The following SLCO1B1 variants were observed in gnomAD, a reference collection of about 807,000 sequenced individuals.
SLCO1B1 encodes the protein solute carrier organic anion transporter family member 1B1, also known as OATP-2.
Under a neutral mutation model 70.1 loss-of-function variants are expected in SLCO1B1, and 81 were observed. That is an observed-to-expected ratio of 1.16 (90% CI 0.97 to 1.39). SLCO1B1 has a LOEUF of 1.39. Among genes scored for constraint, SLCO1B1 ranks in the 40% most tolerant of loss-of-function variants. The pLI is 0.00. For missense variants in SLCO1B1, 895 were observed against 799.6 expected (o/e 1.12, Z -1.44); for synonymous variants, 283 against 271.5 (o/e 1.04, Z -0.42).
chr12:21,225,958 A>G (rs1941477616), intron 14 of SLCO1B1, among the ~76,000 whole-genome samples: 1 of 152,272 alleles, frequency 6.6e-6, no homozygotes, highest in Admixed American at 6.5e-5. Flanking sequence ...ATATGAAAAA[A>G]TGGAAGCAAA....
At chr12:21,190,867 A>G (rs1454970424) in intron 7 of SLCO1B1, among the ~76,000 whole-genome samples, 1 of 152,058 alleles carries the variant, frequency 6.6e-6, no homozygotes, top group Non-Finnish European at 1.5e-5. Context: ...TTTTTTTGCT[A>G]TTGAGTTGTA....
intron 14 of SLCO1B1, among the ~76,000 whole-genome samples, chr12:21,235,896 G>GTATC (rs1941591717): frequency 6.6e-6 from 1 of 152,010 alleles, no homozygotes; most frequent in Non-Finnish European, 1.5e-5. Flanking sequence ...AGCTTGTAAT[G>GTATC]TATCTGCTGG....
chr12:21,210,579 T>G (rs1000107729), intron 11 of SLCO1B1, among the ~76,000 whole-genome samples: 4 of 147,744 alleles, frequency 2.7e-5, no homozygotes, highest in African/African-American at 1.0e-4. Flanking sequence ...CTTTAAAGTA[T>G]TTTCCAATTC....
At chr12:21,158,565 C>G (rs569211735) in intron 2 of SLCO1B1, among the ~76,000 whole-genome samples, 2 of 151,918 alleles carry the variant, frequency 1.3e-5, no homozygotes, top group Admixed American at 1.3e-4. Context: ...GTGGTGGTGC[C>G]TGCCTTTAGT....
intron 1 of SLCO1B1, among the ~76,000 whole-genome samples, chr12:21,137,355 A>T (rs1056375099): frequency 1.3e-5 from 2 of 152,140 alleles, no homozygotes; most frequent in African/African-American, 4.8e-5. Context: ...CTCTCTTCAA[A>T]GCTGTCAGAG....
At chr12:21,234,515 T>A (rs1941576101) in intron 14 of SLCO1B1, among the ~76,000 whole-genome samples, 1 of 152,134 alleles carries the variant, frequency 6.6e-6, no homozygotes. Flanking sequence ...TGTCTTGGTT[T>A]TAAACTCGAA....
At chr12:21,193,689 C>A (rs1941057034) in intron 7 of SLCO1B1, among the ~76,000 whole-genome samples, 1 of 152,158 alleles carries the variant, frequency 6.6e-6, no homozygotes, top group African/African-American at 2.4e-5. Flanking sequence ...TAGGTCATTT[C>A]TTTGCTCTCA....
chr12:21,182,391 A>G (rs1940912691), intron 7 of SLCO1B1, among the ~76,000 whole-genome samples: 2 of 152,296 alleles, frequency 1.3e-5, no homozygotes, highest in Admixed American at 6.5e-5. Context: ...GGGTAGCTGC[A>G]GCAGAACGCA....
chr12:21,238,674 A>G (rs12366582), intron 14 of SLCO1B1, among the ~76,000 whole-genome samples: 28,085 of 151,914 alleles, frequency 0.18, 2,968 homozygotes, highest in East Asian at 0.45. Context: ...TTTCAAACAT[A>G]CTTCTCAGTT....
intron 7 of SLCO1B1, among the ~76,000 whole-genome samples, chr12:21,185,257 G>A (rs888807092): frequency 1.3e-5 from 2 of 151,892 alleles, no homozygotes; most frequent in African/African-American, 2.4e-5. Context: ...TCAACCAACT[G>A]GATCCAAAAA....
intron 2 of SLCO1B1, among the ~76,000 whole-genome samples, chr12:21,148,930 G>T (rs1366207911): frequency 6.6e-6 from 1 of 151,920 alleles, no homozygotes; most frequent in Admixed American, 6.6e-5. Context: ...CGTTGAAGAG[G>T]TCCCTCACAC....
chr12:21,162,283 AT>A (rs886155024), intron 2 of SLCO1B1, among the ~76,000 whole-genome samples: 1 of 152,002 alleles, frequency 6.6e-6, no homozygotes, highest in Non-Finnish European at 1.5e-5. Context: ...AATTGACTAT[AT>A]TTTTTTATTT....
chr12:21,168,204 G>A (rs902791007), intron 2 of SLCO1B1, among the ~76,000 whole-genome samples: 36 of 130,470 alleles, frequency 2.8e-4, no homozygotes, highest in Admixed American at 1.8e-3. Context: ...ATGTCCTTGA[G>A]GTTCATCCAT....
At chr12:21,215,997 C>T (rs974607431) in intron 11 of SLCO1B1, among the ~76,000 whole-genome samples, 31 of 152,094 alleles carry the variant, frequency 2.0e-4, no homozygotes, top group African/African-American at 7.5e-4. Context: ...TACATGCTCC[C>T]TCTTTGCACA....
intron 14 of SLCO1B1, among the ~76,000 whole-genome samples, chr12:21,225,361 G>A (rs1941471991): frequency 6.6e-6 from 1 of 152,054 alleles, no homozygotes; most frequent in Non-Finnish European, 1.5e-5. Context: ...TATTCCGTAA[G>A]TGACATGAAG....
At position 21,239,386 on chromosome 12, in the gene SLCO1B1, T is replaced by C. The variant is rs886049146; in HGVS notation, c.*197T>C. On this transcript the variant is annotated 3_prime_UTR_variant, in exon 15 of 15. Transcript: ENST00000256958. ...AAAATGAGAGTACTCATTGTTACAT[T>C]ATAGCTACATATTTGTGGTTAAGGT... 13 of 540,450 alleles carry C rather than the reference T, an allele frequency of 2.4e-5. No individual in the cohort carries two copies. Among genetic ancestry groups the C allele is most frequent in the Non-Finnish European group, 4.0e-5 (12 of 299,300 alleles). The allele number at this position is 540,450 out of a possible 1,614,324, so 33.5% of individuals were successfully genotyped here.
At chr12:21,221,976 C>T (rs571385284) in intron 12 of SLCO1B1, among the ~76,000 whole-genome samples, 1 of 152,016 alleles carries the variant, frequency 6.6e-6, no homozygotes, top group East Asian at 1.9e-4. Flanking sequence ...ATAACACTGA[C>T]TAGACCACAA....
chr12:21,213,685 A>G (rs1941318387), intron 11 of SLCO1B1, among the ~76,000 whole-genome samples: 2 of 139,368 alleles, frequency 1.4e-5, no homozygotes, highest in African/African-American at 5.4e-5. Flanking sequence ...CATTCTCCCC[A>G]TCACTTTCAG....
At chr12:21,168,524 A>G (rs1033686260) in intron 2 of SLCO1B1, among the ~76,000 whole-genome samples, 1 of 152,202 alleles carries the variant, frequency 6.6e-6, no homozygotes, top group Admixed American at 6.5e-5. Context: ...ATCAACAAAC[A>G]TGAAGTTCCT....
Sources: allele counts gnomAD v4.1 joint callset (sites outside exome capture counted in the v4.1 genomes callset), GRCh38; gene constraint gnomAD v4.1.1; transcripts MANE v1.5; gene names NCBI Gene and HGNC (gene_info 2026-07-23, HGNC 2026-07-21).